BANK1: variants seen among roughly 807,000 people sequenced by gnomAD.
BANK1 encodes the protein B-cell scaffold protein with ankyrin repeats.
Under a neutral mutation model 94.5 loss-of-function variants are expected in BANK1, and 95 were observed. The ratio of observed to expected loss-of-function variants is 1.00; its 90% CI spans 0.85 to 1.19. The LOEUF (loss-of-function observed/expected upper bound fraction) is 1.19. Ranked by LOEUF, BANK1 falls within the 50% of genes most tolerant of loss-of-function variation. The probability of loss-of-function intolerance (pLI) is 0.00; values close to 1 mark genes in which losing one functional copy is unlikely to be tolerated. For missense variants in BANK1, 987 were observed against 932.2 expected, an observed-to-expected ratio of 1.06 and a Z score of -0.77; for synonymous variants, 334 against 308.4, an observed-to-expected ratio of 1.08 and a Z score of -0.87.
At chr4:101,888,587 TAA>T (rs1303112613) in intron 5 of BANK1, among the ~76,000 whole-genome samples, 1 of 152,250 alleles carries the variant, frequency 6.6e-6, no homozygotes, top group African/African-American at 2.4e-5. Flanking sequence ...TGTAAAGATC[TAA>T]GTTAGAATCT....
At chr4:101,846,276 G>A (rs938384200) in intron 2 of BANK1, among the ~76,000 whole-genome samples, 1 of 152,180 alleles carries the variant, frequency 6.6e-6, no homozygotes, top group Admixed American at 6.5e-5. Context: ...TCCTTTGTAG[G>A]GACATGGATG....
intron 1 of BANK1, among the ~76,000 whole-genome samples, chr4:101,823,035 C>G (rs1056541128): frequency 3.3e-5 from 5 of 152,114 alleles, no homozygotes; most frequent in African/African-American, 1.2e-4. Context: ...TGTCTTTGTA[C>G]TCTGTTGATA....
chr4:101,906,682 C>G (rs1309607431), intron 6 of BANK1, among the ~76,000 whole-genome samples: 2 of 152,160 alleles, frequency 1.3e-5, no homozygotes. Context: ...CAAAGTGAAA[C>G]GAACCAGACC....
Position 101,847,230 on chromosome 4 carries a change from T to A in BANK1, c.470-7805T>A, listed in dbSNP as rs112675403. ...GTGTGTGTGTGTGTGTGTGTGTGTGTGTGTGTATGTATATAGTGAGTTAAT... is the reference window on the plus strand; with the variant it reads ...GTGTGTGTGTGTGTGTGTGTGTGTGAGTGTGTATGTATATAGTGAGTTAAT... On this transcript the variant is annotated intron_variant, in intron 2 of 16. Coordinates refer to ENST00000322953, the MANE Select transcript of BANK1 (RefSeq NM_017935.5). 1.0e-3 allele frequency among the ~76,000 whole-genome samples: 154 copies of A among 150,998 alleles called. 3 individuals are homozygous for A. Among genetic ancestry groups the A allele is most frequent in the African/African-American group, 3.6e-3 (146 of 41,006 alleles).
chr4:102,036,426 TC>T (rs1727515771), intron 10 of BANK1, among the ~76,000 whole-genome samples: 1 of 152,204 alleles, frequency 6.6e-6, no homozygotes, highest in African/African-American at 2.4e-5. Flanking sequence ...GTCTCTGTCC[TC>T]ATTAGTAAAA....
At chr4:101,875,002 A>G (rs1728434450) in intron 5 of BANK1, among the ~76,000 whole-genome samples, 1 of 152,218 alleles carries the variant, frequency 6.6e-6, no homozygotes, top group Admixed American at 6.5e-5. Context: ...AAATTGGCAG[A>G]ATAGAAGGCT....
intron 5 of BANK1, among the ~76,000 whole-genome samples, chr4:101,875,221 G>C (rs1728444536): frequency 6.6e-6 from 1 of 152,114 alleles, no homozygotes; most frequent in South Asian, 2.1e-4. Flanking sequence ...GACTGTTTCT[G>C]TGTGTTGGGG....
chr4:102,071,352 A>G (rs1274006263), intron 14 of BANK1, 48 bp downstream of exon 14: 1 of 1,553,872 alleles, frequency 6.4e-7, no homozygotes, highest in Non-Finnish European at 8.9e-7. Flanking sequence ...AACAAAGTAC[A>G]GAGTAAATCA....
intron 7 of BANK1, among the ~76,000 whole-genome samples, chr4:102,019,131 T>C (rs922469893): frequency 6.6e-6 from 1 of 152,206 alleles, no homozygotes; most frequent in Non-Finnish European, 1.5e-5. Context: ...GAGTTTGTTG[T>C]TGTGAAATAA....
intron 7 of BANK1, among the ~76,000 whole-genome samples, chr4:101,992,217 A>C (rs1016754637): frequency 1.2e-4 from 19 of 152,210 alleles, no homozygotes; most frequent in Non-Finnish European, 2.5e-4. Context: ...AGAACAAAGA[A>C]CAATGACTTT....
At chr4:102,020,390 CATCA>C (rs1726856643) in intron 7 of BANK1, among the ~76,000 whole-genome samples, 1 of 151,890 alleles carries the variant, frequency 6.6e-6, no homozygotes, top group African/African-American at 2.4e-5. Flanking sequence ...TAGTGGAGTC[CATCA>C]AAGGGAAAAT....
chr4:102,051,315 T>G (rs975557825), intron 11 of BANK1, among the ~76,000 whole-genome samples: 1 of 152,196 alleles, frequency 6.6e-6, no homozygotes, highest in African/African-American at 2.4e-5. Context: ...TCCAGTATAC[T>G]TACATTTCCA....
At chr4:101,896,643 A>T (rs1722089939) in intron 6 of BANK1, among the ~76,000 whole-genome samples, 1 of 152,062 alleles carries the variant, frequency 6.6e-6, no homozygotes, top group East Asian at 1.9e-4. Context: ...ACTAGATGAG[A>T]ATAGAAAAGG....
intron 2 of BANK1, among the ~76,000 whole-genome samples, chr4:101,853,184 C>T (rs992250530): frequency 6.6e-6 from 1 of 152,096 alleles, no homozygotes; most frequent in African/African-American, 2.4e-5. Context: ...GCTGGAAGTC[C>T]TAGGTACTGT....
Position 101,895,337 on chromosome 4 carries a change from A to T in BANK1, c.936A>T (p.Thr312=). Residue 312 remains threonine, a synonymous_variant, in exon 6 of 17, where the codon ACA becomes ACT. Coordinates refer to ENST00000322953, the MANE Select transcript of BANK1 (RefSeq NM_017935.5). ...TTGAAGAACTTGATGGTGTCCTTAC[A>T]TCCATATTCAAACATGAGATACCAT... ...NSIEELDGVL[T]SIFKHEIPYY... The T allele has an allele frequency of 2.5e-6, 4 of 1,594,436 alleles. No individual in the cohort carries two copies. The South Asian group carries it at 4.5e-5, about 18-fold the overall frequency.
intron 1 of BANK1, among the ~76,000 whole-genome samples, chr4:101,807,180 C>G (rs1158574782): frequency 6.6e-6 from 1 of 152,176 alleles, no homozygotes; most frequent in African/African-American, 2.4e-5. Flanking sequence ...AGACCTTCCT[C>G]AATTTTTGTT....
intron 2 of BANK1, among the ~76,000 whole-genome samples, chr4:101,833,821 C>T (rs771227454): frequency 6.6e-6 from 1 of 152,174 alleles, no homozygotes; most frequent in Non-Finnish European, 1.5e-5. Flanking sequence ...TCACAGTACA[C>T]CATAATGTTC....
intron 7 of BANK1, among the ~76,000 whole-genome samples, chr4:101,976,526 T>G (rs1172509589): frequency 1.3e-5 from 2 of 152,174 alleles, no homozygotes; most frequent in African/African-American, 4.8e-5. Context: ...AAAGTATTGA[T>G]TAGACAATTT....
At chr4:102,033,642 A>G (rs1727402500) in intron 10 of BANK1, among the ~76,000 whole-genome samples, 1 of 152,206 alleles carries the variant, frequency 6.6e-6, no homozygotes, top group Admixed American at 6.5e-5. Context: ...TATCTCACCC[A>G]TCCCAAGACT....
Sources: gnomAD v4.1 joint callset for allele counts (sites outside exome capture counted in the v4.1 genomes callset) on GRCh38, gnomAD v4.1.1 for gene constraint, MANE v1.5 for transcripts, NCBI Gene and HGNC (gene_info 2026-07-23, HGNC 2026-07-21) for gene names.